Variants in OCA2 observed in about 807,000 individuals in gnomAD.
OCA2 encodes OCA2 melanosomal transmembrane protein.
A neutral mutation model predicts 100.2 loss-of-function variants in OCA2; 77 were observed. That is an observed-to-expected ratio of 0.77 (90% CI 0.64 to 0.93). The LOEUF (loss-of-function observed/expected upper bound fraction) is 0.93, where lower values mean the gene tolerates loss of function less well. Among genes scored for constraint, OCA2 ranks in the 40% least tolerant of loss-of-function variants. The pLI is 0.00. For synonymous variants in OCA2, 432 were observed against 439.2 expected (o/e 0.98, Z 0.21); for missense variants, 1,062 against 1,089.1 (o/e 0.98, Z 0.35).
intron 2 of OCA2, among the ~76,000 whole-genome samples, chr15:28,074,836 C>T (rs1462939765): frequency 2.6e-5 from 4 of 152,184 alleles, no homozygotes; most frequent in Non-Finnish European, 5.9e-5. Flanking sequence ...CAGAGCGAGA[C>T]TCCGTCTCAA....
At chr15:27,989,395 C>T (rs931103054) in intron 11 of OCA2, among the ~76,000 whole-genome samples, 10 of 152,182 alleles carry the variant, frequency 6.6e-5, no homozygotes, top group Non-Finnish European at 4.4e-5. Flanking sequence ...TCGTCAGACA[C>T]GCCTTGGGCT....
At chr15:27,920,169 T>C (rs1374033290) in intron 19 of OCA2, among the ~76,000 whole-genome samples, 1 of 152,174 alleles carries the variant, frequency 6.6e-6, no homozygotes, top group African/African-American at 2.4e-5. Flanking sequence ...ATGGGCTAAA[T>C]AGATTTTTTA....
At chr15:27,825,087 C>T (rs952706549) in intron 23 of OCA2, among the ~76,000 whole-genome samples, 1 of 152,176 alleles carries the variant, frequency 6.6e-6, no homozygotes, top group Non-Finnish European at 1.5e-5. Context: ...ACAAAATTAT[C>T]ACATTAGACA....
At chr15:27,895,914 G>A (rs1329785952) in intron 19 of OCA2, 1 of 616,272 alleles carries the variant, frequency 1.6e-6, no homozygotes, top group African/African-American at 1.8e-5. Context: ...CGTACAGAAG[G>A]GGATATGATA....
chr15:28,057,221 C>T (rs148283742), intron 2 of OCA2, among the ~76,000 whole-genome samples: 111 of 152,298 alleles, frequency 7.3e-4, no homozygotes, highest in African/African-American at 2.5e-3. Flanking sequence ...GAAGAAAGCA[C>T]CTTTTTGAAA....
At chr15:28,032,019 A>G (rs1192512120) in intron 3 of OCA2, 46 bp downstream of exon 3, 9 of 1,418,190 alleles carry the variant, frequency 6.3e-6, no homozygotes, top group East Asian at 2.3e-5. Flanking sequence ...TGCCAGGTGC[A>G]ATGCTCAGAA....
intron 21 of OCA2, among the ~76,000 whole-genome samples, chr15:27,866,553 T>A (rs560971280): frequency 6.6e-6 from 1 of 152,336 alleles, no homozygotes; most frequent in South Asian, 2.1e-4. Context: ...GCTAAATATC[T>A]TTTTGGTGCC....
chr15:27,770,307 G>A (rs1413075113), intron 23 of OCA2, among the ~76,000 whole-genome samples: 9 of 152,206 alleles, frequency 5.9e-5, no homozygotes, highest in Non-Finnish European at 1.2e-4. Flanking sequence ...CGGACCCCAA[G>A]CCGGGAGGGG....
rs577185665 is a variant in OCA2, at chr15:28,068,775, A to C, written c.227+12873T>G. Among the ~76,000 whole-genome samples, 12 of 152,372 alleles carry C rather than the reference A, an allele frequency of 7.9e-5. No homozygotes were observed. The South Asian group carries it at 2.5e-3, about 32-fold the overall frequency. On this transcript the variant is annotated intron_variant, in intron 2 of 23. Transcript: ENST00000354638. ...AAGTAGGCTTTATTCCTGTGATGCAAGACTGTTTCAATGTACACAAATCAA... is the reference window on the plus strand; with the variant it reads ...AAGTAGGCTTTATTCCTGTGATGCACGACTGTTTCAATGTACACAAATCAA...
chr15:27,770,982 TCTTTCTTCCTTCC>T (rs1310239900), intron 23 of OCA2, among the ~76,000 whole-genome samples: 1 of 56,936 alleles, frequency 1.8e-5, no homozygotes, highest in East Asian at 3.9e-4. Context: ...TTCCTTTCCT[TCTTTCTTCCTTCC>T]CTTCCTTCCT....
chr15:28,087,869 C>T (rs2044804667), intron 1 of OCA2, among the ~76,000 whole-genome samples: 1 of 152,138 alleles, frequency 6.6e-6, no homozygotes, highest in Non-Finnish European at 1.5e-5. Context: ...TGCCACCAGC[C>T]TAGCCAACAT....
Position 27,839,226 on chromosome 15 carries a change from TA to T in OCA2, c.2432+5732del, listed in dbSNP as rs200502587. 7.3e-3 allele frequency among the ~76,000 whole-genome samples: 1,106 copies of T among 152,068 alleles called. 19 individuals carry two copies. Among genetic ancestry groups the T allele is most frequent in the African/African-American group, 0.025 (1,051 of 41,498 alleles). On this transcript the variant is annotated intron_variant, in intron 23 of 23. Transcript: ENST00000354638. The stretch of plus-strand genomic sequence containing the variant: ...AAGTGAAAAAGCATAAGAACAAAGG[TA>T]ATCACTAGATCAAAATACAAATCTT...
intron 9 of OCA2, among the ~76,000 whole-genome samples, chr15:27,993,800 G>A (rs902999784): frequency 6.6e-6 from 1 of 152,066 alleles, no homozygotes; most frequent in Non-Finnish European, 1.5e-5. Flanking sequence ...TCTTCCACCA[G>A]CTAAGGGGCC....
At chr15:27,947,895 G>A (rs933500313) in intron 18 of OCA2, among the ~76,000 whole-genome samples, 2 of 152,216 alleles carry the variant, frequency 1.3e-5, no homozygotes, top group South Asian at 2.1e-4. Context: ...TGAAGCTCCC[G>A]GATGAAGAAC....
rs1005587343 is a variant in OCA2, at chr15:27,957,030, C to G, written c.1784+558G>C. On this transcript the variant is annotated intron_variant, in intron 16 of 23. Coordinates refer to ENST00000354638, the MANE Select transcript of OCA2 (RefSeq NM_000275.3). This position sits in a 1 kb window ranked among gnomAD's most constrained non-coding sequence, Gnocchi z 4.3. ...GCCACCAGGCTCCTGCTTCTTCTGT[C>G]TGAGCTTCCAGAACAAAGACTGCTT... 6.6e-6 allele frequency among the ~76,000 whole-genome samples: 1 copy of G among 152,238 alleles called. No individual in the cohort carries two copies. Among genetic ancestry groups the G allele is most frequent in the Non-Finnish European group, 1.5e-5 (1 of 68,050 alleles).
At position 27,926,199 on chromosome 15, in the gene OCA2, A is replaced by G; in HGVS notation, c.2007T>C (p.Asp669=). 1 of 1,614,128 alleles carries G rather than the reference A, an allele frequency of 6.2e-7. No individual in the cohort carries two copies. The highest frequency in any genetic ancestry group is 8.5e-7 in the Non-Finnish European group (1 of 1,179,982). The change falls in exon 19 of 24, where the codon GAT becomes GAC. Residue 669 remains aspartate (D), a synonymous_variant. Transcript: ENST00000354638. The stretch of plus-strand genomic sequence containing the variant: ...CCACTCTGTGTAGAATTATCTCAAA[A>G]TCATGAATATCAGCTAAAATTAGCA... ...IWLLILADIH[D]FEIILHRVEW...
chr15:28,093,291 G>A (rs1454555980), intron 1 of OCA2, among the ~76,000 whole-genome samples: 6 of 151,884 alleles, frequency 4.0e-5, no homozygotes, highest in South Asian at 4.2e-4. Context: ...GTGTGGTGGC[G>A]GGCGCCTGTA....
In OCA2 at chr15:27,926,050, T is replaced by G. The variant is rs2039029550; in HGVS notation, c.2079+77A>C. 8 of 1,514,374 alleles carry G rather than the reference T, an allele frequency of 5.3e-6. No individual in the cohort carries two copies. In the South Asian group the frequency reaches 9.0e-5, roughly 17 times the overall value. The allele number at this position is 1,514,374 out of a possible 1,614,324, so 93.8% of individuals were successfully genotyped here. ...TAAGGAAAGATTAATAGATGTAGGCTTTCTTCATTCACCAAATAAAACATG... is the reference window on the plus strand; with the variant it reads ...TAAGGAAAGATTAATAGATGTAGGCGTTCTTCATTCACCAAATAAAACATG... On this transcript the variant is annotated intron_variant, in intron 19 of 23. Coordinates refer to ENST00000354638, the MANE Select transcript of OCA2 (RefSeq NM_000275.3).
intron 2 of OCA2, among the ~76,000 whole-genome samples, chr15:28,074,673 C>CAAAAAAAAAAA (rs1172821817): frequency 1.5e-5 from 1 of 66,952 alleles, no homozygotes. Flanking sequence ...GACTCCGTCT[C>CAAAAAAAAAAA]AAAAAAAAAA....
Sources: gnomAD v4.1 joint callset for allele counts (sites outside exome capture counted in the v4.1 genomes callset) on GRCh38, gnomAD v4.1.1 for gene constraint, Gnocchi (gnomAD v3.1) non-coding constraint, MANE v1.5 for transcripts, NCBI Gene and HGNC (gene_info 2026-07-23, HGNC 2026-07-21) for gene names.